Variants in ZNF207 observed in about 807,000 individuals in gnomAD.
The protein encoded by ZNF207 is BUB3-interacting and GLEBS motif-containing protein ZNF207.
A neutral mutation model predicts 60.2 loss-of-function variants in ZNF207; 24 were observed. The ratio of observed to expected loss-of-function variants is 0.40; its 90% CI spans 0.29 to 0.56. The LOEUF (loss-of-function observed/expected upper bound fraction) is 0.56. Ranked by LOEUF, ZNF207 falls within the 20% of genes least tolerant of loss-of-function variation. The pLI is 0.49. For synonymous variants in ZNF207, 236 were observed against 194.7 expected (o/e 1.21, Z -1.77); for missense variants, 452 against 636.6 (o/e 0.71, Z 3.12).
Position 32,352,351 on chromosome 17 carries a change from C to A in ZNF207, c.168+439C>A, listed in dbSNP as rs80266589. 8.6e-3 allele frequency among the ~76,000 whole-genome samples: 1,308 copies of A among 151,694 alleles called. 11 individuals are homozygous for A. Among genetic ancestry groups the A allele is most frequent in the Non-Finnish European group, 0.015 (1,021 of 67,912 alleles). ...TTACTTACTGCAAAAGATAAGATAGCCAATCAGCATTAAAAAAAACAAAAA... is the reference window on the plus strand; with the variant it reads ...TTACTTACTGCAAAAGATAAGATAGACAATCAGCATTAAAAAAAACAAAAA... On this transcript the variant is annotated intron_variant, in intron 2 of 11. Coordinates refer to ENST00000394670, the MANE Select transcript of ZNF207 (RefSeq NM_001098507.2).
At chr17:32,361,238 T>C (rs111809340) in intron 5 of ZNF207, 1 of 562,312 alleles carries the variant, frequency 1.8e-6, no homozygotes, top group Non-Finnish European at 3.1e-6. Flanking sequence ...ATTTATAGAT[T>C]TGCGTTTCTG....
At chr17:32,355,667 A>G (rs1904465928) in intron 2 of ZNF207, among the ~76,000 whole-genome samples, 1 of 152,136 alleles carries the variant, frequency 6.6e-6, no homozygotes, top group African/African-American at 2.4e-5. Context: ...GTGTGGTTGG[A>G]AATTAGGTGC....
At chr17:32,365,917 C>G (rs944445628) in intron 8 of ZNF207, among the ~76,000 whole-genome samples, 1 of 152,066 alleles carries the variant, frequency 6.6e-6, no homozygotes, top group South Asian at 2.1e-4. Flanking sequence ...GCTACAATGC[C>G]GCACTTGTGC....
chr17:32,353,562 A>C (rs2150787125), intron 2 of ZNF207, among the ~76,000 whole-genome samples: 1 of 152,086 alleles, frequency 6.6e-6, no homozygotes, highest in Non-Finnish European at 1.5e-5. Flanking sequence ...CTGGTGGATC[A>C]CCTGAGGTCA....
chr17:32,377,027 A>G lies in ZNF207; in HGVS notation c.*7268A>G, dbSNP rs1383353867. 6.6e-6 allele frequency: 1 copy of G among 152,050 alleles called. No individual in the cohort carries two copies. The highest frequency in any genetic ancestry group is 1.5e-5 in the Non-Finnish European group (1 of 67,908). 9.4% of individuals were successfully genotyped at this position (152,050 alleles called of 1,614,324 possible). On this transcript the variant is annotated 3_prime_UTR_variant, in exon 12 of 12. Transcript: ENST00000394670. ...ATCTGTGTTCCTTCACCATTGGTTA[A>G]GTCTGAGGAACTAACAGTGAAATTC...
At chr17:32,366,853 C>G in intron 9 of ZNF207, 96 bp downstream of exon 9, 2 of 1,133,172 alleles carry the variant, frequency 1.8e-6, no homozygotes, top group Non-Finnish European at 2.4e-6. Flanking sequence ...CAAAAATATA[C>G]TGTGTTTACT....
chr17:32,364,545 A>C (rs1742801712), intron 7 of ZNF207, among the ~76,000 whole-genome samples: 1 of 151,736 alleles, frequency 6.6e-6, no homozygotes, highest in African/African-American at 2.4e-5. Flanking sequence ...TTTTTAATAG[A>C]GATGGGGTTT....
In ZNF207 at chr17:32,351,936, A is replaced by G. The variant is rs756284591; in HGVS notation, c.168+24A>G. 5.3e-6 allele frequency: 8 copies of G among 1,507,630 alleles called. No individual in the cohort carries two copies. In the African/African-American group the frequency reaches 9.9e-5, roughly 19 times the overall value. 93.4% of individuals were successfully genotyped at this position (1,507,630 alleles called of 1,614,324 possible). A position where few individuals can be genotyped will look rare whatever the true frequency, so the allele number is the denominator to read the frequency against. ...AGGTAAGGATTTTTCTTCTGTATTT[A>G]TTGTCCGCTTGTGATTTGGAAACAA... On this transcript the variant is annotated intron_variant, in intron 2 of 11. Transcript: ENST00000394670.
chr17:32,350,486 A>C (rs958949895), intron 1 of ZNF207, 160 bp downstream of exon 1: 3 of 877,072 alleles, frequency 3.4e-6, no homozygotes, highest in Non-Finnish European at 5.5e-6. Flanking sequence ...GGCTTCTAGG[A>C]AAATGGGGTT....
rs1905342794 is a variant in ZNF207, at chr17:32,369,103, AAAT to A, written c.1165-190_1165-188del. ...GTTGTTAGCCATGCTTCAAGTTTAC[AAAT>A]AGGTGAAGTTTTAAGGTATCTAGAG... On this transcript the variant is annotated intron_variant, in intron 10 of 11. Transcript: ENST00000394670. The A allele has an allele frequency of 9.3e-6, 5 of 536,046 alleles. No homozygotes were observed. In the South Asian group the frequency reaches 1.4e-4, roughly 15 times the overall value. 33.2% of individuals were successfully genotyped at this position (536,046 alleles called of 1,614,324 possible). A position where few individuals can be genotyped will look rare whatever the true frequency, so the allele number is the denominator to read the frequency against.
chr17:32,351,454 C>T (rs2041505756), intron 1 of ZNF207: 2 of 1,383,144 alleles, frequency 1.4e-6, no homozygotes, highest in East Asian at 3.0e-5. Context: ...TGAACTCTTT[C>T]CTGTCCTCAG....
At chr17:32,350,424 T>A in intron 1 of ZNF207, 98 bp downstream of exon 1, 1 of 1,521,214 alleles carries the variant, frequency 6.6e-7, no homozygotes, top group Non-Finnish European at 9.1e-7. Context: ...GTGGAGCGTT[T>A]GTATTTAGGC....
chr17:32,351,818 TCCTTATTCAGCA>T lies in ZNF207; in HGVS notation c.77_88del (p.Leu26_His29del). Reference sequence around the variant, plus strand: ...AATAGAGATTTTGATGATGAGAAGATCCTTATTCAGCACCAAAAAGCAAAGCATTTTAAATGC... The same window carrying T: ...AATAGAGATTTTGATGATGAGAAGATCCAAAAAGCAAAGCATTTTAAATGC... On this transcript the variant is annotated inframe_deletion, in exon 2 of 12. Transcript: ENST00000394670. 6.2e-7 allele frequency: 1 copy of T among 1,611,096 alleles called. No homozygotes were observed. Among genetic ancestry groups the T allele is most frequent in the Admixed American group, 1.7e-5 (1 of 59,778 alleles).
At chr17:32,366,554 C>T in intron 8 of ZNF207, 111 bp from the exon 9 acceptor site, 1 of 682,384 alleles carries the variant, frequency 1.5e-6, no homozygotes, top group Non-Finnish European at 2.2e-6. Context: ...CATTTGATTG[C>T]ATTAAATTTT....
chr17:32,365,777 A>G (rs1265134337), intron 8 of ZNF207, among the ~76,000 whole-genome samples: 1 of 140,930 alleles, frequency 7.1e-6, no homozygotes, highest in Non-Finnish European at 1.5e-5. Flanking sequence ...AAAGTTTAGT[A>G]TCTGGAGCGT....
chr17:32,364,647 T>A (rs1349711786), intron 7 of ZNF207, among the ~76,000 whole-genome samples: 1 of 152,204 alleles, frequency 6.6e-6, no homozygotes, highest in Non-Finnish European at 1.5e-5. Context: ...CGTGAGCCAC[T>A]GTGCCCGGCC....
rs193287662 is a variant in ZNF207, at chr17:32,370,565, A to G, written c.*806A>G. 1 of 152,376 alleles carries G rather than the reference A, an allele frequency of 6.6e-6. No homozygotes were observed. The highest frequency in any genetic ancestry group is 1.9e-4 in the East Asian group (1 of 5,186). The allele number at this position is 152,376 out of a possible 1,614,324, so 9.4% of individuals were successfully genotyped here. On this transcript the variant is annotated 3_prime_UTR_variant, in exon 12 of 12. Coordinates refer to ENST00000394670, the MANE Select transcript of ZNF207 (RefSeq NM_001098507.2). ...ATGTTTCAGTTAAGAGAAAAACTTA[A>G]GATACATGAGTCATTACATAATGGG...
At chr17:32,364,579 C>T (rs757314614) in intron 7 of ZNF207, among the ~76,000 whole-genome samples, 1 of 151,936 alleles carries the variant, frequency 6.6e-6, no homozygotes, top group South Asian at 2.1e-4. Context: ...AGGCTGGTCT[C>T]GAACTCCTGA....
At chr17:32,352,905 G>C (rs1330276216) in intron 2 of ZNF207, among the ~76,000 whole-genome samples, 1 of 152,190 alleles carries the variant, frequency 6.6e-6, no homozygotes, top group East Asian at 1.9e-4. Flanking sequence ...GGCTGGGCGC[G>C]GTGGCTCACG....
Sources: gnomAD v4.1 joint callset for allele counts (sites outside exome capture counted in the v4.1 genomes callset) on GRCh38, gnomAD v4.1.1 for gene constraint, MANE v1.5 for transcripts, NCBI Gene and HGNC (gene_info 2026-07-23, HGNC 2026-07-21) for gene names.